DDX46: variants seen among roughly 807,000 people sequenced by gnomAD.
DDX46 encodes the protein DEAD-box helicase 46.
DDX46 carries 30 observed loss-of-function variants against 134.9 expected under a neutral mutation model. The observed-to-expected ratio is 0.22, with a 90% CI of 0.17 to 0.30. The LOEUF (loss-of-function observed/expected upper bound fraction) is 0.30, where lower values mean the gene tolerates loss of function less well. Among genes scored for constraint, DDX46 ranks in the 10% least tolerant of loss-of-function variants. The probability of loss-of-function intolerance (pLI) is 1.00; values close to 1 mark genes in which losing one functional copy is unlikely to be tolerated. For synonymous variants in DDX46, 415 were observed against 404.1 expected (o/e 1.03, Z -0.32); for missense variants, 622 against 1,248.7 (o/e 0.50, Z 7.56).
At chr5:134,820,377 T>C (rs1478346237) in intron 21 of DDX46, among the ~76,000 whole-genome samples, 1 of 152,082 alleles carries the variant, frequency 6.6e-6, no homozygotes, top group Non-Finnish European at 1.5e-5. Context: ...AGCATTGTAG[T>C]CAGTACAGGG....
Position 134,763,891 on chromosome 5 carries a change from C to T in DDX46, c.18-13C>T. ...GGTGTTTGCTGAACTTAATCTTTGA[C>T]TTATTGTTCTAGCCACTATCGAAAA... is the stretch of plus-strand genomic sequence containing the variant. On this transcript the variant is annotated splice_polypyrimidine_tract_variant and intron_variant, in intron 1 of 22. Coordinates refer to ENST00000452510, the MANE Select transcript of DDX46 (RefSeq NM_001300860.2). 1.2e-6 allele frequency: 2 copies of T among 1,603,216 alleles called. No homozygotes were observed. The highest frequency in any genetic ancestry group is 1.7e-6 in the Non-Finnish European group (2 of 1,174,626).
At chr5:134,821,691 G>T (rs1446620107) in intron 21 of DDX46, among the ~76,000 whole-genome samples, 1 of 151,194 alleles carries the variant, frequency 6.6e-6, no homozygotes, top group Non-Finnish European at 1.5e-5. Context: ...CGAGTAGCTG[G>T]GACTACAGGC....
intron 1 of DDX46, among the ~76,000 whole-genome samples, chr5:134,761,728 T>C (rs1311368780): frequency 6.6e-6 from 1 of 152,206 alleles, no homozygotes; most frequent in Non-Finnish European, 1.5e-5. Flanking sequence ...ATTTCTCTCT[T>C]GCTGTCACAC....
intron 15 of DDX46, chr5:134,804,855 A>C (rs1365081641): frequency 1.2e-5 from 5 of 404,522 alleles, no homozygotes; most frequent in African/African-American, 1.0e-4. Flanking sequence ...AAGCATGCTT[A>C]ATCCTGTCAT....
chr5:134,810,502 G>A (rs1167482735), intron 16 of DDX46, among the ~76,000 whole-genome samples: 2 of 151,204 alleles, frequency 1.3e-5, no homozygotes, highest in East Asian at 2.0e-4. Flanking sequence ...CACCACACTC[G>A]GCTAATTTTT....
At chr5:134,765,690 A>G (rs930890587) in intron 2 of DDX46, among the ~76,000 whole-genome samples, 1 of 152,176 alleles carries the variant, frequency 6.6e-6, no homozygotes, top group African/African-American at 2.4e-5. Flanking sequence ...GAGATACCAT[A>G]CCTTGCCCAG....
At chr5:134,780,489 A>G (rs1754112294) in intron 6 of DDX46, among the ~76,000 whole-genome samples, 1 of 150,204 alleles carries the variant, frequency 6.7e-6, no homozygotes, top group Non-Finnish European at 1.5e-5. Flanking sequence ...GCTTGAATCC[A>G]GGAGGCAGAG....
intron 14 of DDX46, 60 bp downstream of exon 14, chr5:134,795,074 C>G (rs2150148237): frequency 6.3e-7 from 1 of 1,575,872 alleles, no homozygotes; most frequent in Non-Finnish European, 8.6e-7. Context: ...ATGTATGATT[C>G]TTCTATGATC....
At chr5:134,787,434 A>G (rs1356130786) in intron 11 of DDX46, among the ~76,000 whole-genome samples, 1 of 152,196 alleles carries the variant, frequency 6.6e-6, no homozygotes, top group Non-Finnish European at 1.5e-5. Context: ...AAATTAAGTG[A>G]CGTTTTCTGA....
At chr5:134,827,387 G>C (rs1580825889) in intron 22 of DDX46, among the ~76,000 whole-genome samples, 1 of 151,886 alleles carries the variant, frequency 6.6e-6, no homozygotes, top group Middle Eastern at 3.4e-3. Context: ...TGATTCTCCT[G>C]CCTCAGCCTC....
intron 18 of DDX46, among the ~76,000 whole-genome samples, chr5:134,812,562 A>T (rs1304299409): frequency 6.6e-6 from 1 of 152,200 alleles, no homozygotes; most frequent in African/African-American, 2.4e-5. Context: ...CCAGGACCAC[A>T]GTGGGAGTTA....
chr5:134,782,438 G>C (rs757301409), intron 8 of DDX46, among the ~76,000 whole-genome samples: 2 of 151,984 alleles, frequency 1.3e-5, no homozygotes, highest in Non-Finnish European at 2.9e-5. Flanking sequence ...TCAAGAGTTT[G>C]AGACCATCCT....
At position 134,796,185 on chromosome 5, in the gene DDX46, A is replaced by G. The variant is rs766575916; in HGVS notation, c.1954+35A>G. ...CACTTGATTCACACATAAAATATCT[A>G]TTAAGTACTTGCCAAGCATTGTGCT... is the stretch of plus-strand genomic sequence containing the variant. On this transcript the variant is annotated intron_variant, in intron 15 of 22. Coordinates refer to ENST00000452510, the MANE Select transcript of DDX46 (RefSeq NM_001300860.2). 8.1e-6 allele frequency: 13 copies of G among 1,604,102 alleles called. 1 individual carries two copies. The highest frequency in any genetic ancestry group is 8.0e-5 in the African/African-American group (6 of 74,592).
At chr5:134,781,068 C>A in intron 6 of DDX46, 65 bp from the exon 7 acceptor site, 3 of 1,133,826 alleles carry the variant, frequency 2.6e-6, no homozygotes, top group Non-Finnish European at 3.7e-6. Flanking sequence ...TTACTGTGTG[C>A]TTCAGCAGTC....
At position 134,770,981 on chromosome 5, in the gene DDX46, A is replaced by T. The variant is rs780669681; in HGVS notation, c.429A>T (p.Glu143Asp). The change falls in exon 4 of 23, where the codon GAA becomes GAT. Residue 143 changes from glutamate (E) to aspartate (D), a missense_variant. Transcript: ENST00000452510. ...KKKDKDDKED[E>D]KEKDAGNFDQ... ...AAGACAAAGATGACAAGGAGGATGA[A>T]AAAGAAAAAGATGCTGGCGTATGTT... 1 of 1,350,424 alleles carries T rather than the reference A, an allele frequency of 7.4e-7. No individual in the cohort carries two copies. The highest frequency in any genetic ancestry group is 1.3e-5 in the South Asian group (1 of 79,456). 83.7% of individuals were successfully genotyped at this position (1,350,424 alleles called of 1,614,324 possible). A position where few individuals can be genotyped will look rare whatever the true frequency, so the allele number is the denominator to read the frequency against.
chr5:134,805,374 A>G (rs2150153681), intron 15 of DDX46, among the ~76,000 whole-genome samples: 1 of 152,028 alleles, frequency 6.6e-6, no homozygotes, highest in East Asian at 1.9e-4. Context: ...CACCATGTTC[A>G]CTAGGCTGGT....
intron 12 of DDX46, 62 bp from the exon 13 acceptor site, chr5:134,790,408 A>C: frequency 6.8e-7 from 1 of 1,467,192 alleles, no homozygotes; most frequent in Non-Finnish European, 9.3e-7. Context: ...CTTGGTAGCC[A>C]TAAAATGAAT....
intron 3 of DDX46, among the ~76,000 whole-genome samples, chr5:134,768,717 G>A (rs985693150): frequency 8.5e-5 from 13 of 152,076 alleles, no homozygotes; most frequent in Non-Finnish European, 1.2e-4. Flanking sequence ...GTTGGGGTGC[G>A]TAAACAAGTT....
Position 134,818,756 on chromosome 5 carries a change from G to T in DDX46, c.2833-104G>T, listed in dbSNP as rs1755359743. ...ATATGGAGAGAGAGAGAGAGAGAGAGACCAACCATAATATGATATCAGCCA... is the reference window on the plus strand; with the variant it reads ...ATATGGAGAGAGAGAGAGAGAGAGATACCAACCATAATATGATATCAGCCA... On this transcript the variant is annotated intron_variant, in intron 20 of 22. Coordinates refer to ENST00000452510, the MANE Select transcript of DDX46 (RefSeq NM_001300860.2). The T allele has an allele frequency of 2.5e-5, 22 of 864,870 alleles. No individual in the cohort carries two copies. The South Asian group carries it at 4.7e-4, about 19-fold the overall frequency. The allele number at this position is 864,870 out of a possible 1,614,324, so 53.6% of individuals were successfully genotyped here. A position where few individuals can be genotyped will look rare whatever the true frequency, so the allele number is the denominator to read the frequency against.
Sources: allele counts gnomAD v4.1 joint callset (sites outside exome capture counted in the v4.1 genomes callset), GRCh38; gene constraint gnomAD v4.1.1; transcripts MANE v1.5; gene names NCBI Gene and HGNC (gene_info 2026-07-23, HGNC 2026-07-21).